TPD52L2: variants seen among roughly 807,000 people sequenced by gnomAD.
The protein encoded by TPD52L2 is TPD52 like 2.
TPD52L2 carries 19 observed loss-of-function variants against 24.7 expected under a neutral mutation model. That is an observed-to-expected ratio of 0.77 (90% CI 0.54 to 1.13). The LOEUF (loss-of-function observed/expected upper bound fraction) is 1.13. TPD52L2 is among the 50% of genes most tolerant of loss of function. The pLI, the probability that TPD52L2 is intolerant of heterozygous loss-of-function variation, is 0.00. For synonymous variants in TPD52L2, 104 were observed against 100.2 expected, an observed-to-expected ratio of 1.04 and a Z score of -0.23; for missense variants, 236 against 250.4, an observed-to-expected ratio of 0.94 and a Z score of 0.39.
chr20:63,876,763 G>A (rs1039264271), intron 4 of TPD52L2: 12 of 456,018 alleles, frequency 2.6e-5, no homozygotes, highest in Middle Eastern at 3.3e-4. Context: ...CTGGTGTCAC[G>A]GTGGGAGGCT....
intron 5 of TPD52L2, among the ~76,000 whole-genome samples, chr20:63,886,496 G>A: frequency 6.6e-6 from 1 of 152,016 alleles, no homozygotes; most frequent in Non-Finnish European, 1.5e-5. Flanking sequence ...CGAGTAGCTG[G>A]GACTACAGGC....
chr20:63,882,503 G>C (rs1274757142), intron 4 of TPD52L2, among the ~76,000 whole-genome samples: 3 of 152,248 alleles, frequency 2.0e-5, no homozygotes, highest in Admixed American at 1.3e-4. Context: ...AGCTCAGTGA[G>C]CGAGCAATGC....
At position 63,882,832 on chromosome 20, in the gene TPD52L2, C is replaced by G. The variant is rs375693340; in HGVS notation, c.476+12C>G. On this transcript the variant is annotated intron_variant, in intron 5 of 6. Transcript: ENST00000346249. ...CTTGGAGACATGAGGTGAGACGCAACCCTGACTCTGCTGCCCTGAGACCTG... is the reference window on the plus strand; with the variant it reads ...CTTGGAGACATGAGGTGAGACGCAAGCCTGACTCTGCTGCCCTGAGACCTG... The G allele has an allele frequency of 6.3e-7, 1 of 1,599,842 alleles. No homozygotes were observed. The highest frequency in any genetic ancestry group is 1.3e-5 in the African/African-American group (1 of 74,654).
chr20:63,866,313 C>G (rs555742648), intron 1 of TPD52L2, among the ~76,000 whole-genome samples: 2 of 152,206 alleles, frequency 1.3e-5, no homozygotes, highest in South Asian at 2.1e-4. Flanking sequence ...CCATGTTGCC[C>G]AGGATGGTCT....
At chr20:63,876,664 T>C (rs1449124652) in intron 4 of TPD52L2, 1 of 424,822 alleles carries the variant, frequency 2.4e-6, no homozygotes, top group Non-Finnish European at 4.8e-6. Flanking sequence ...TCCTCCCATG[T>C]TGGTCTGAAA....
At position 63,865,298 on chromosome 20, in the gene TPD52L2, A is replaced by G; in HGVS notation, c.-68A>G. ...TCCGCTGGCTAGTGTGTACGCGGCG[A>G]GCTTCTCCCGGCGCCGCCCGCTCGG... On this transcript the variant is annotated 5_prime_UTR_variant, in exon 1 of 7. Transcript: ENST00000346249. 1 of 1,485,208 alleles carries G rather than the reference A, an allele frequency of 6.7e-7. No individual in the cohort carries two copies. The highest frequency in any genetic ancestry group is 8.9e-7 in the Non-Finnish European group (1 of 1,122,804). The allele number at this position is 1,485,208 out of a possible 1,614,324, so 92.0% of individuals were successfully genotyped here.
In TPD52L2 at chr20:63,889,900, AG is replaced by A. The variant is rs1568965900; in HGVS notation, c.577del (p.Ala193ArgfsTer47). 6.2e-7 allele frequency: 1 copy of A among 1,614,146 alleles called. No individual in the cohort carries two copies. Among genetic ancestry groups the A allele is most frequent in the South Asian group, 1.1e-5 (1 of 91,082 alleles). On this transcript the variant is annotated frameshift_variant, in exon 7 of 7. Coordinates refer to ENST00000346249, the MANE Select transcript of TPD52L2 (RefSeq NM_003288.4). LOFTEE classifies it high-confidence loss of function. The stretch of plus-strand genomic sequence containing the variant: ...ACGGCAGTGACAACCTCCCTTCCTC[AG>A]CGGGGAGTGGTGACAAGCCCCTGTC... Reference protein sequence around the residue: ...ENGSDNLPSSAGSGDKPLSDP... With the variant: ...ENGSDNLPSSXGSGDKPLSDP...
intron 2 of TPD52L2, among the ~76,000 whole-genome samples, chr20:63,872,488 C>T (rs750379593): frequency 2.0e-5 from 3 of 151,888 alleles, no homozygotes; most frequent in Non-Finnish European, 4.4e-5. Context: ...AACAGTTTTC[C>T]TGCCTCAGCC....
chr20:63,878,033 C>T (rs1004763539), intron 4 of TPD52L2, among the ~76,000 whole-genome samples: 1 of 152,274 alleles, frequency 6.6e-6, no homozygotes, highest in African/African-American at 2.4e-5. Context: ...GAGGTGGGGC[C>T]TGAGGATGTG....
At chr20:63,873,110 A>G (rs1386678480) in intron 2 of TPD52L2, among the ~76,000 whole-genome samples, 1 of 152,008 alleles carries the variant, frequency 6.6e-6, no homozygotes, top group African/African-American at 2.4e-5. Flanking sequence ...ACAAATGGAC[A>G]TGGTGATTGG....
intron 5 of TPD52L2, chr20:63,887,756 A>G: frequency 2.6e-6 from 2 of 769,654 alleles, no homozygotes; most frequent in Non-Finnish European, 4.4e-6. Context: ...AAGGGCCGGT[A>G]AAAACCCCCT....
rs1398385838 is a variant in TPD52L2, at chr20:63,889,832, A to G, written c.526-18A>G. The G allele has an allele frequency of 6.2e-6, 10 of 1,610,504 alleles. No homozygotes were observed. The highest frequency in any genetic ancestry group is 2.2e-5 in the East Asian group (1 of 44,810). Reference sequence around the variant, plus strand: ...CTCTGTCTCAGGTTTTTCTGTCTTCATCTTTTCTCTCCTGTAGTCTAAGGT... The same window carrying G: ...CTCTGTCTCAGGTTTTTCTGTCTTCGTCTTTTCTCTCCTGTAGTCTAAGGT... On this transcript the variant is annotated intron_variant, in intron 6 of 6. Coordinates refer to ENST00000346249, the MANE Select transcript of TPD52L2 (RefSeq NM_003288.4).
intron 1 of TPD52L2, among the ~76,000 whole-genome samples, chr20:63,868,701 T>C (rs527566801): frequency 1.3e-5 from 2 of 152,324 alleles, no homozygotes; most frequent in East Asian, 3.9e-4. Flanking sequence ...CCCAACACTT[T>C]GGGAGGCCAA....
At chr20:63,870,054 G>A (rs114752757) in intron 2 of TPD52L2, among the ~76,000 whole-genome samples, 296 of 152,330 alleles carry the variant, frequency 1.9e-3, no homozygotes, top group African/African-American at 6.7e-3. Flanking sequence ...CTTGAGGCCA[G>A]GAGGTCAAGG....
At chr20:63,886,497 G>T (rs1475914910) in intron 5 of TPD52L2, among the ~76,000 whole-genome samples, 3 of 151,996 alleles carry the variant, frequency 2.0e-5, no homozygotes, top group Non-Finnish European at 2.9e-5. Flanking sequence ...GAGTAGCTGG[G>T]ACTACAGGCG....
chr20:63,875,222 G>A (rs1043339406), intron 3 of TPD52L2, among the ~76,000 whole-genome samples: 6 of 151,272 alleles, frequency 4.0e-5, no homozygotes, highest in East Asian at 1.9e-4. Flanking sequence ...GACCCTCCCC[G>A]ATGACGACGT....
rs1010748125 is a variant in TPD52L2, at chr20:63,890,095, C to T, written c.*150C>T. On this transcript the variant is annotated 3_prime_UTR_variant, in exon 7 of 7. Coordinates refer to ENST00000346249, the MANE Select transcript of TPD52L2 (RefSeq NM_003288.4). ...CCCATCCACGCGGAGATGTGGCTGC[C>T]GCGTTTGCATGAATTTGAAGAACAC... 1.7e-4 allele frequency: 251 copies of T among 1,482,584 alleles called. 1 individual carries two copies. The highest frequency in any genetic ancestry group is 1.3e-4 in the Admixed American group (6 of 46,272). 91.8% of individuals were successfully genotyped at this position (1,482,584 alleles called of 1,614,324 possible). A position where few individuals can be genotyped will look rare whatever the true frequency, so the allele number is the denominator to read the frequency against.
chr20:63,868,645 A>T (rs564949992), intron 1 of TPD52L2, among the ~76,000 whole-genome samples: 121 of 152,130 alleles, frequency 8.0e-4, no homozygotes, highest in African/African-American at 2.7e-3. Flanking sequence ...TCCTTTTTTT[A>T]AAAAAAGTGG....
At chr20:63,875,528 G>A (rs2052638931) in intron 3 of TPD52L2, among the ~76,000 whole-genome samples, 1 of 152,204 alleles carries the variant, frequency 6.6e-6, no homozygotes, top group South Asian at 2.1e-4. Context: ...TGCCCTTCCA[G>A]TCCCCCACAG....
Sources: gnomAD v4.1 joint callset for allele counts (sites outside exome capture counted in the v4.1 genomes callset) on GRCh38, gnomAD v4.1.1 for gene constraint, MANE v1.5 for transcripts, NCBI Gene and HGNC (gene_info 2026-07-23, HGNC 2026-07-21) for gene names.